The following THADA variants were observed in gnomAD, a reference collection of about 807,000 sequenced individuals.
THADA encodes the protein THADA armadillo repeat containing.
Under a neutral mutation model 219.8 loss-of-function variants are expected in THADA, and 213 were observed. The observed-to-expected ratio is 0.97, with a 90% CI of 0.87 to 1.09. THADA has a LOEUF of 1.09. Among genes scored for constraint, THADA ranks in the 50% least tolerant of loss-of-function variants. The probability of loss-of-function intolerance (pLI) is 0.00; values close to 1 mark genes in which losing one functional copy is unlikely to be tolerated. For missense variants in THADA, 2,956 were observed against 2,311.3 expected (o/e 1.28, Z -5.72); for synonymous variants, 1,018 against 828.9 (o/e 1.23, Z -3.92).
chr2:43,489,118 C>T (rs1687285329), intron 25 of THADA, among the ~76,000 whole-genome samples: 1 of 152,100 alleles, frequency 6.6e-6, no homozygotes, highest in Admixed American at 6.6e-5. Flanking sequence ...TTTATACTTT[C>T]TTGATTGTGT....
At chr2:43,591,083 G>C (rs1701514849) in intron 3 of THADA, 129 bp from the exon 4 acceptor site, 11 of 777,740 alleles carry the variant, frequency 1.4e-5, no homozygotes, top group Non-Finnish European at 2.2e-5. Context: ...CACTTTGGGA[G>C]GCTGAGGTGG....
At chr2:43,522,814 T>C (rs1013008496) in intron 22 of THADA, among the ~76,000 whole-genome samples, 6 of 152,068 alleles carry the variant, frequency 3.9e-5, no homozygotes, top group African/African-American at 7.2e-5. Context: ...TAATCCACAA[T>C]AGAAAAGGGA....
At chr2:43,428,735 G>C (rs1012878214) in intron 27 of THADA, among the ~76,000 whole-genome samples, 1 of 152,002 alleles carries the variant, frequency 6.6e-6, no homozygotes, top group African/African-American at 2.4e-5. Flanking sequence ...TAGCAAAACA[G>C]GGAAATGGGC....
intron 29 of THADA, among the ~76,000 whole-genome samples, chr2:43,369,186 G>C (rs1670515834): frequency 6.6e-6 from 1 of 152,140 alleles, no homozygotes; most frequent in Admixed American, 6.5e-5. Flanking sequence ...TCCTGCCTTT[G>C]AGCAGTCTTG....
intron 30 of THADA, among the ~76,000 whole-genome samples, chr2:43,325,877 T>G (rs1057347817): frequency 3.9e-5 from 6 of 152,220 alleles, no homozygotes; most frequent in African/African-American, 1.4e-4. Context: ...AGCTTTTTTC[T>G]TTTTCTTTTC....
intron 31 of THADA, among the ~76,000 whole-genome samples, chr2:43,293,623 T>C (rs1305304946): frequency 1.3e-5 from 2 of 152,186 alleles, no homozygotes; most frequent in Non-Finnish European, 2.9e-5. Flanking sequence ...AACCCTACAG[T>C]ACCCTGGAGC....
intron 26 of THADA, among the ~76,000 whole-genome samples, chr2:43,458,236 G>A (rs1294305501): frequency 2.0e-5 from 3 of 152,158 alleles, no homozygotes; most frequent in Admixed American, 6.6e-5. Context: ...GACAGTCTGC[G>A]TCGTATGTTT....
chr2:43,382,778 T>A (rs1672198273), intron 29 of THADA, among the ~76,000 whole-genome samples: 1 of 152,186 alleles, frequency 6.6e-6, no homozygotes, highest in South Asian at 2.1e-4. Context: ...ACACTGCTTA[T>A]AAAGTGACAG....
chr2:43,318,062 C>A (rs1330224514), intron 31 of THADA, among the ~76,000 whole-genome samples: 7 of 151,742 alleles, frequency 4.6e-5, no homozygotes, highest in Non-Finnish European at 1.0e-4. Context: ...TTTTTTGAGA[C>A]AGGGTATCGC....
At chr2:43,312,208 CAAA>C (rs35043804) in intron 31 of THADA, among the ~76,000 whole-genome samples, 10 of 117,836 alleles carry the variant, frequency 8.5e-5, no homozygotes, top group Non-Finnish European at 9.3e-5. Flanking sequence ...GACAAAGCTG[CAAA>C]AAAAAAAAAA....
chr2:43,576,349 T>C (rs1314779645), intron 10 of THADA, among the ~76,000 whole-genome samples: 1 of 152,180 alleles, frequency 6.6e-6, no homozygotes, highest in Non-Finnish European at 1.5e-5. Flanking sequence ...ACCACAAAAA[T>C]ACAAAATACA....
At chr2:43,413,490 G>C (rs1676555147) in intron 28 of THADA, among the ~76,000 whole-genome samples, 1 of 152,130 alleles carries the variant, frequency 6.6e-6, no homozygotes. Flanking sequence ...CTACTTAATG[G>C]CTGCCAGATA....
intron 34 of THADA, among the ~76,000 whole-genome samples, chr2:43,287,276 C>G (rs1297819589): frequency 2.6e-5 from 4 of 152,132 alleles, no homozygotes; most frequent in Non-Finnish European, 4.4e-5. Context: ...GTCACTATGA[C>G]TAGACAACAA....
intron 31 of THADA, among the ~76,000 whole-genome samples, chr2:43,304,935 G>C (rs1282357273): frequency 6.6e-6 from 1 of 152,168 alleles, no homozygotes. Context: ...GCCTCCCAAA[G>C]TGCTGGGATT....
At chr2:43,266,968 T>C (rs1671597999) in intron 36 of THADA, among the ~76,000 whole-genome samples, 1 of 152,130 alleles carries the variant, frequency 6.6e-6, no homozygotes, top group African/African-American at 2.4e-5. Context: ...TTTTTTGGTC[T>C]CTACTAAGTG....
Position 43,231,031 on chromosome 2 carries a change from C to G in THADA, c.5779G>C (p.Glu1927Gln), listed in dbSNP as rs1473269879. The G allele has an allele frequency of 6.2e-7, 1 of 1,613,942 alleles. No homozygotes were observed. Among genetic ancestry groups the G allele is most frequent in the Non-Finnish European group, 8.5e-7 (1 of 1,179,882 alleles). Residue 1927 changes from glutamate to glutamine, a missense_variant, in exon 38 of 38, where the codon GAA (glutamate) becomes CAA (glutamine). Coordinates refer to ENST00000405975, the MANE Select transcript of THADA (RefSeq NM_022065.5). ...LLAFLEGKEG[E>Q]DTLVLSVWDS... ...CAAACACTGAGAACTAGGGTGTCTT[C>G]CCCTTCCTTTCCTTCCAAAAAGGCC...
At chr2:43,511,759 C>A (rs1241869872) in intron 22 of THADA, among the ~76,000 whole-genome samples, 5 of 152,208 alleles carry the variant, frequency 3.3e-5, no homozygotes, top group Admixed American at 6.5e-5. Context: ...CTCACGAGGA[C>A]TTTTCCTTTC....
At chr2:43,257,631 T>G (rs1670480236) in intron 36 of THADA, among the ~76,000 whole-genome samples, 1 of 152,244 alleles carries the variant, frequency 6.6e-6, no homozygotes. Flanking sequence ...GGCCTTTCTC[T>G]CAGCTCAAGG....
Position 43,314,860 on chromosome 2 carries a change from A to G in THADA, c.4438+5586T>C, listed in dbSNP as rs548184290. 5.9e-5 allele frequency among the ~76,000 whole-genome samples: 9 copies of G among 152,392 alleles called. No individual in the cohort carries two copies. The South Asian group carries it at 1.4e-3, about 25-fold the overall frequency. The stretch of plus-strand genomic sequence containing the variant: ...GTTTAAAACTCAAAACAAAACCCCC[A>G]GATTTGAAAATTTTAAAACCTAGTT... On this transcript the variant is annotated intron_variant, in intron 31 of 37. Transcript: ENST00000405975.
Sources: allele counts gnomAD v4.1 joint callset (sites outside exome capture counted in the v4.1 genomes callset), GRCh38; gene constraint gnomAD v4.1.1; transcripts MANE v1.5; gene names NCBI Gene and HGNC (gene_info 2026-07-23, HGNC 2026-07-21).